SEC16B: variants seen among roughly 807,000 people sequenced by gnomAD.
SEC16B encodes SEC16 homolog B, endoplasmic reticulum export factor, also known as protein transport protein Sec16B.
In SEC16B, 115 loss-of-function variants were observed where a neutral mutation model predicts 141.8. The observed-to-expected ratio is 0.81, with a 90% CI of 0.70 to 0.95. The LOEUF (loss-of-function observed/expected upper bound fraction) is 0.95, where lower values mean the gene tolerates loss of function less well. Ranked by LOEUF, SEC16B falls within the 40% of genes least tolerant of loss-of-function variation. SEC16B has a pLI of 0.00. For synonymous variants in SEC16B, 493 were observed against 492.5 expected (o/e 1.00, Z -0.01); for missense variants, 1,291 against 1,312.3 (o/e 0.98, Z 0.25).
intron 1 of SEC16B, among the ~76,000 whole-genome samples, chr1:177,983,870 A>G (rs1296533766): frequency 1.3e-5 from 2 of 152,338 alleles, no homozygotes; most frequent in South Asian, 2.1e-4. Flanking sequence ...AAAGTTTTTT[A>G]GTAAGTTGAA....
chr1:177,980,686 G>A (rs1196546974), intron 1 of SEC16B, among the ~76,000 whole-genome samples: 1 of 151,264 alleles, frequency 6.6e-6, no homozygotes, highest in Non-Finnish European at 1.5e-5. Context: ...TAAGTGCTGG[G>A]AGAGGATGAC....
At chr1:177,937,142 C>G (rs1199766627) in intron 19 of SEC16B, 72 bp downstream of exon 19, 8 of 1,492,636 alleles carry the variant, frequency 5.4e-6, no homozygotes, top group East Asian at 2.3e-5. Flanking sequence ...CTGGTCCCAC[C>G]ACCTCCCTTT....
intron 1 of SEC16B, among the ~76,000 whole-genome samples, chr1:177,980,519 T>A (rs1395939300): frequency 6.6e-6 from 1 of 152,102 alleles, no homozygotes; most frequent in Non-Finnish European, 1.5e-5. Context: ...AGGAGTACTT[T>A]ATTATTGTGT....
rs371826824 is a variant in SEC16B, at chr1:177,937,280, C to A, written c.2437G>T (p.Val813Leu). The change falls in exon 19 of 26, where the codon GTG becomes TTG. Residue 813 changes from valine to leucine, a missense_variant. By Grantham distance (32) the Val-to-Leu change is conservative. Coordinates refer to ENST00000308284, the MANE Select transcript of SEC16B (RefSeq NM_033127.4). ...ETHLPGTGSS[V>L]AVTEATGGTV... Reference sequence around the variant, plus strand: ...CCTCCAGTGGCCTCTGTCACTGCCACGCTGCTGCCAGTCCCTGGTAGATGG... The same window carrying A: ...CCTCCAGTGGCCTCTGTCACTGCCAAGCTGCTGCCAGTCCCTGGTAGATGG... 1 of 1,613,926 alleles carries A rather than the reference C, an allele frequency of 6.2e-7. No homozygotes were observed. The highest frequency in any genetic ancestry group is 8.5e-7 in the Non-Finnish European group (1 of 1,179,880).
chr1:177,939,562 C>A, intron 18 of SEC16B, 140 bp downstream of exon 18: 1 of 698,686 alleles, frequency 1.4e-6, no homozygotes. Flanking sequence ...GAGAAGGCGC[C>A]TGGACAACGG....
intron 14 of SEC16B, 67 bp from the exon 15 acceptor site, chr1:177,944,733 C>A: frequency 1.6e-6 from 2 of 1,282,544 alleles, no homozygotes; most frequent in South Asian, 1.3e-5. Context: ...ATCCTAGTGG[C>A]TCTCCAAACA....
At position 177,952,004 on chromosome 1, in the gene SEC16B, A is replaced by G. The variant is rs1652230510; in HGVS notation, c.1464-9T>C. 1 of 1,594,268 alleles carries G rather than the reference A, an allele frequency of 6.3e-7. No homozygotes were observed. The highest frequency in any genetic ancestry group is 1.1e-5 in the South Asian group (1 of 87,342). On this transcript the variant is annotated splice_polypyrimidine_tract_variant and intron_variant, in intron 11 of 25. Coordinates refer to ENST00000308284, the MANE Select transcript of SEC16B (RefSeq NM_033127.4). ...CCAGCGTGCTGGTGAAGCTGCGGAG[A>G]GAAGGATAGTCAGCGAGGACCAAGC...
Position 177,951,991 on chromosome 1 carries a change from T to C in SEC16B, c.1468A>G (p.Thr490Ala). 6.3e-7 allele frequency: 1 copy of C among 1,599,684 alleles called. No individual in the cohort carries two copies. Residue 490 changes from threonine to alanine, a missense_variant, in exon 12 of 26, where the codon ACC (threonine) becomes GCC (alanine). Physicochemically the swap from Thr to Ala is moderately conservative, Grantham distance 58 (BLOSUM62 0). Transcript: ENST00000308284. ...GGGTCATTGAGCGCCAGCGTGCTGG[T>C]GAAGCTGCGGAGAGAAGGATAGTCA... ...QTYSWVMSGF[T>A]STLALNDPLQ...
Position 177,949,672 on chromosome 1 carries a change from C to T in SEC16B, c.1546-1730G>A, listed in dbSNP as rs550030377. On this transcript the variant is annotated intron_variant, in intron 12 of 25. Coordinates refer to ENST00000308284, the MANE Select transcript of SEC16B (RefSeq NM_033127.4). ...CCAAAATCCCCATAAAGATTAAAAA[C>T]TGAGGCTCTGTGAAATTAAGACACA... Among the ~76,000 whole-genome samples, 7 of 152,224 alleles carry T rather than the reference C, an allele frequency of 4.6e-5. No individual in the cohort carries two copies. In the East Asian group the frequency reaches 9.7e-4, roughly 21 times the overall value.
At chr1:177,968,508 C>G (rs1653730202) in intron 1 of SEC16B, among the ~76,000 whole-genome samples, 1 of 152,140 alleles carries the variant, frequency 6.6e-6, no homozygotes, top group Non-Finnish European at 1.5e-5. Context: ...CCTCAATTTC[C>G]TTACCCATGA....
intron 5 of SEC16B, among the ~76,000 whole-genome samples, 188 bp from the exon 6 acceptor site, chr1:177,961,922 G>A (rs534771550): frequency 6.6e-6 from 1 of 152,014 alleles, no homozygotes; most frequent in Non-Finnish European, 1.5e-5. Flanking sequence ...CAGGCCTTGG[G>A]GTCAGGGGCC....
chr1:177,977,608 C>A (rs1205249409), intron 1 of SEC16B, among the ~76,000 whole-genome samples: 5 of 152,142 alleles, frequency 3.3e-5, no homozygotes, highest in Non-Finnish European at 7.4e-5. Flanking sequence ...TACACACAGT[C>A]ACATGGGACT....
intron 14 of SEC16B, chr1:177,946,040 G>T: frequency 2.3e-6 from 1 of 425,744 alleles, no homozygotes; most frequent in Non-Finnish European, 4.1e-6. Flanking sequence ...GCCTGGGTAG[G>T]CTCTCAGAAC....
At chr1:177,943,599 T>C (rs1343505994) in intron 15 of SEC16B, among the ~76,000 whole-genome samples, 2 of 152,196 alleles carry the variant, frequency 1.3e-5, no homozygotes, top group African/African-American at 4.8e-5. Flanking sequence ...AAAATGTCTC[T>C]ACCTAAAGAA....
intron 1 of SEC16B, among the ~76,000 whole-genome samples, chr1:177,969,384 C>T (rs1049326914): frequency 6.6e-6 from 1 of 152,150 alleles, no homozygotes; most frequent in East Asian, 1.9e-4. Context: ...CTCTGGCTTC[C>T]TTCCCATATC....
intron 22 of SEC16B, 48 bp from the exon 23 acceptor site, chr1:177,932,854 CA>C: frequency 6.6e-7 from 1 of 1,520,852 alleles, no homozygotes; most frequent in Non-Finnish European, 9.0e-7. Context: ...TGGCAGTTAA[CA>C]AATTGATGCC....
Position 177,965,071 on chromosome 1 carries a change from C to T in SEC16B, c.509G>A (p.Gly170Glu), listed in dbSNP as rs1239597014. The T allele has an allele frequency of 1.9e-6, 3 of 1,613,424 alleles. No homozygotes were observed. The South Asian group carries it at 3.3e-5, about 18-fold the overall frequency. The part of the protein sequence containing the change: ...HHYENQHSPF[G>E]TNSETHFQSN... The stretch of plus-strand genomic sequence containing the variant: ...CTGGAAGTGGGTCTCACTATTTGTT[C>T]CAAATGGACTGTGCTGGTTTTCATA... Residue 170 changes from glycine to glutamate, a missense_variant, in exon 4 of 26, where the codon GGA (glycine) becomes GAA (glutamate). Around this residue, in one of 3 missense-constraint regions of SEC16B, gnomAD observed 681 missense variants for 675.5 expected, o/e 1.01. Coordinates refer to ENST00000308284, the MANE Select transcript of SEC16B (RefSeq NM_033127.4).
intron 10 of SEC16B, among the ~76,000 whole-genome samples, chr1:177,955,246 T>C (rs1035885848): frequency 2.0e-5 from 3 of 151,464 alleles, no homozygotes; most frequent in African/African-American, 4.8e-5. Flanking sequence ...CTGTAATCCC[T>C]ACACTTTGGG....
exon 1 of SEC16B, chr1:177,984,249 A>C (rs938683751): frequency 1.3e-5 from 2 of 152,202 alleles, no homozygotes; most frequent in African/African-American, 4.8e-5. Context: ...TGCTTCTGCT[A>C]TATCCCATCA....
Sources: gnomAD v4.1 joint callset for allele counts (sites outside exome capture counted in the v4.1 genomes callset) on GRCh38, gnomAD v4.1.1 for gene constraint, gnomAD v4.1.1 regional missense constraint, MANE v1.5 for transcripts, NCBI Gene and HGNC (gene_info 2026-07-23, HGNC 2026-07-21) for gene names.